The following ATP6V1H variants were observed in gnomAD, a reference collection of about 807,000 sequenced individuals.
ATP6V1H encodes the protein ATPase H+ transporting V1 subunit H.
A neutral mutation model predicts 71.7 loss-of-function variants in ATP6V1H; 39 were observed. The observed-to-expected ratio is 0.54, with a 90% CI of 0.42 to 0.71. The LOEUF is 0.71. ATP6V1H is among the 30% of genes least tolerant of loss of function. The pLI is 0.00. For missense variants in ATP6V1H, 509 were observed against 594.9 expected, an observed-to-expected ratio of 0.86 and a Z score of 1.50; for synonymous variants, 192 against 199.3, an observed-to-expected ratio of 0.96 and a Z score of 0.31.
At chr8:53,741,954 T>C (rs886794319) in intron 13 of ATP6V1H, among the ~76,000 whole-genome samples, 11 of 152,204 alleles carry the variant, frequency 7.2e-5, no homozygotes, top group African/African-American at 2.4e-4. Context: ...TCTTCATGCT[T>C]TCTCACTTAC....
intron 7 of ATP6V1H, among the ~76,000 whole-genome samples, chr8:53,810,634 G>A (rs996326037): frequency 2.0e-5 from 3 of 152,248 alleles, no homozygotes; most frequent in Non-Finnish European, 2.9e-5. Flanking sequence ...CAGCTACTCG[G>A]GAGGCTGAGG....
intron 11 of ATP6V1H, among the ~76,000 whole-genome samples, chr8:53,759,418 TGAA>T (rs1808185555): frequency 6.6e-6 from 1 of 152,230 alleles, no homozygotes; most frequent in South Asian, 2.1e-4. Flanking sequence ...AAGATGTCTC[TGAA>T]TACAGTTAAG....
intron 9 of ATP6V1H, among the ~76,000 whole-genome samples, chr8:53,779,748 T>C (rs1416545363): frequency 1.3e-5 from 2 of 152,184 alleles, no homozygotes; most frequent in Admixed American, 1.3e-4. Flanking sequence ...TCCCAGTTAC[T>C]TTTCCTATTA....
chr8:53,812,253 G>A lies in ATP6V1H; in HGVS notation c.526-1036C>T, dbSNP rs142688913. Among the ~76,000 whole-genome samples the A allele has an allele frequency of 2.2e-3, 337 of 152,216 alleles. 2 individuals are homozygous for A. Among genetic ancestry groups the A allele is most frequent in the African/African-American group, 7.8e-3 (326 of 41,546 alleles). On this transcript the variant is annotated intron_variant, in intron 6 of 13. Coordinates refer to ENST00000359530, the MANE Select transcript of ATP6V1H (RefSeq NM_015941.4). Reference sequence around the variant, plus strand: ...TACCCTGAAGAGTTCCCCTGCAGCAGAAGGACCCGCAAAGCAGAGGCACTG... The same window carrying A: ...TACCCTGAAGAGTTCCCCTGCAGCAAAAGGACCCGCAAAGCAGAGGCACTG...
At chr8:53,736,404 C>T (rs1807204806) in intron 13 of ATP6V1H, among the ~76,000 whole-genome samples, 1 of 152,268 alleles carries the variant, frequency 6.6e-6, no homozygotes, top group African/African-American at 2.4e-5. Context: ...AAAGTTAATG[C>T]CTCAAAATAA....
At chr8:53,766,234 T>C (rs1357377737) in intron 11 of ATP6V1H, among the ~76,000 whole-genome samples, 1 of 152,232 alleles carries the variant, frequency 6.6e-6, no homozygotes, top group Non-Finnish European at 1.5e-5. Flanking sequence ...ATTAATACTT[T>C]TGTAATTTCT....
chr8:53,791,742 G>A (rs1809570826), intron 9 of ATP6V1H, among the ~76,000 whole-genome samples: 1 of 152,152 alleles, frequency 6.6e-6, no homozygotes, highest in African/African-American at 2.4e-5. Flanking sequence ...TCCTCTGGCT[G>A]TCCGCCTCTC....
chr8:53,830,135 A>T (rs4738027), intron 3 of ATP6V1H, among the ~76,000 whole-genome samples: 17,618 of 152,204 alleles, frequency 0.12, 1,561 homozygotes, highest in East Asian at 0.45. Flanking sequence ...GCCAAGTTCT[A>T]AACTCAGCAT....
intron 9 of ATP6V1H, among the ~76,000 whole-genome samples, chr8:53,779,789 T>A (rs1007474823): frequency 2.0e-5 from 3 of 152,130 alleles, no homozygotes; most frequent in African/African-American, 7.2e-5. Flanking sequence ...TAGAAACATA[T>A]CAAAGCTCTT....
intron 11 of ATP6V1H, among the ~76,000 whole-genome samples, chr8:53,762,152 A>G (rs957438973): frequency 6.6e-6 from 1 of 152,206 alleles, no homozygotes; most frequent in Admixed American, 6.5e-5. Context: ...CTTTAGTGAC[A>G]AACTATTGTA....
intron 11 of ATP6V1H, among the ~76,000 whole-genome samples, chr8:53,763,073 C>T (rs1808332396): frequency 6.6e-6 from 1 of 152,186 alleles, no homozygotes; most frequent in Non-Finnish European, 1.5e-5. Context: ...TGTTAATCAA[C>T]TGTTTCTTAT....
intron 4 of ATP6V1H, among the ~76,000 whole-genome samples, chr8:53,819,598 CAT>C (rs1477945531): frequency 8.5e-6 from 1 of 117,036 alleles, no homozygotes; most frequent in Non-Finnish European, 1.8e-5. Context: ...AATACACACA[CAT>C]ACACACATTG....
At chr8:53,822,404 G>A (rs1301944414) in intron 4 of ATP6V1H, among the ~76,000 whole-genome samples, 3 of 151,376 alleles carry the variant, frequency 2.0e-5, no homozygotes, top group African/African-American at 7.3e-5. Flanking sequence ...GAGAAGAGAG[G>A]AAAAGTAGAA....
intron 9 of ATP6V1H, among the ~76,000 whole-genome samples, chr8:53,786,239 G>A (rs557935130): frequency 1.5e-3 from 223 of 152,296 alleles, no homozygotes; most frequent in African/African-American, 4.7e-3. Flanking sequence ...CGGCAATGGC[G>A]GGCACCCCTC....
chr8:53,837,869 C>T lies in ATP6V1H; in HGVS notation c.113+3709G>A, dbSNP rs553024622. Among the ~76,000 whole-genome samples the T allele has an allele frequency of 3.3e-5, 5 of 152,200 alleles. No homozygotes were observed. In the East Asian group the frequency reaches 5.8e-4, roughly 18 times the overall value. Reference sequence around the variant, plus strand: ...GCAGACACAGGATCGCACTCAGATTCGAGGCATCTTTTGGACGTAGAGCTG... The same window carrying T: ...GCAGACACAGGATCGCACTCAGATTTGAGGCATCTTTTGGACGTAGAGCTG... On this transcript the variant is annotated intron_variant, in intron 2 of 13. Transcript: ENST00000359530.
chr8:53,729,643 G>A (rs1806948805), intron 13 of ATP6V1H, among the ~76,000 whole-genome samples: 2 of 152,218 alleles, frequency 1.3e-5, no homozygotes, highest in Admixed American at 6.5e-5. Flanking sequence ...GCTATTCCAG[G>A]CTGTCCTTCC....
At chr8:53,799,355 T>C (rs1809839981) in intron 8 of ATP6V1H, among the ~76,000 whole-genome samples, 1 of 152,298 alleles carries the variant, frequency 6.6e-6, no homozygotes, top group Admixed American at 6.5e-5. Context: ...CCTAGGAAGA[T>C]GATATAATAG....
Position 53,743,424 on chromosome 8 carries a change from T to C in ATP6V1H, c.1391+153A>G, listed in dbSNP as rs186475548. Among the ~76,000 whole-genome samples, 376 of 152,114 alleles carry C rather than the reference T, an allele frequency of 2.5e-3. 2 individuals carry two copies. Among genetic ancestry groups the C allele is most frequent in the African/African-American group, 8.6e-3 (359 of 41,552 alleles). Reference sequence around the variant, plus strand: ...CCGTCTTTATAAAACTAATGTGTCATTGCTCTGAATTACTAAAATATATTT... The same window carrying C: ...CCGTCTTTATAAAACTAATGTGTCACTGCTCTGAATTACTAAAATATATTT... On this transcript the variant is annotated intron_variant, in intron 13 of 13. Coordinates refer to ENST00000359530, the MANE Select transcript of ATP6V1H (RefSeq NM_015941.4).
intron 9 of ATP6V1H, among the ~76,000 whole-genome samples, chr8:53,784,199 G>A (rs1054395589): frequency 3.7e-4 from 57 of 152,176 alleles, no homozygotes; most frequent in Non-Finnish European, 6.8e-4. Flanking sequence ...GGTCACTAAG[G>A]ACTTGCTTTA....
Sources: gnomAD v4.1 joint callset for allele counts (sites outside exome capture counted in the v4.1 genomes callset) on GRCh38, gnomAD v4.1.1 for gene constraint, MANE v1.5 for transcripts, NCBI Gene and HGNC (gene_info 2026-07-23, HGNC 2026-07-21) for gene names.